PGP: variants seen among roughly 807,000 people sequenced by gnomAD.
PGP encodes the protein phosphoglycolate phosphatase, also known as aspartate-based ubiquitous Mg(2+)-dependent phosphatase.
Under a neutral mutation model 19.3 loss-of-function variants are expected in PGP, and 9 were observed. That is an observed-to-expected ratio of 0.47 (90% CI 0.28 to 0.81). PGP has a LOEUF of 0.81. Ranked by LOEUF, PGP falls within the 40% of genes least tolerant of loss-of-function variation. The probability of loss-of-function intolerance (pLI) is 0.11; values close to 1 mark genes in which losing one functional copy is unlikely to be tolerated. For missense variants in PGP, 403 were observed against 479.9 expected (o/e 0.84, Z 1.50); for synonymous variants, 308 against 226.8 (o/e 1.36, Z -3.22).
chr16:2,214,190 C>T lies in PGP; in HGVS notation c.588G>A (p.Val196=). The T allele has an allele frequency of 1.9e-6, 3 of 1,595,942 alleles. No individual in the cohort carries two copies. The highest frequency in any genetic ancestry group is 1.7e-6 in the Non-Finnish European group (2 of 1,179,064). ...RYLQQPGCLL[V]GTNMDNRLPL... is the part of the protein sequence containing the mutation. ...GAAGCCGGTTGTCCATGTTGGTGCC[C>T]ACGAGCAGGCAGCCGGGCTGCTGCA... The change falls in exon 1 of 2, where the codon GTG becomes GTA. Residue 196 remains valine, a synonymous_variant. Coordinates refer to ENST00000333503, the MANE Select transcript of PGP (RefSeq NM_001042371.3). The surrounding 1 kb of genome is among the most constrained non-coding windows in gnomAD (Gnocchi z 7.1).
At position 2,214,816 on chromosome 16, in the gene PGP, C is replaced by G; in HGVS notation, c.-39G>C. 3 of 740,144 alleles carry G rather than the reference C, an allele frequency of 4.1e-6. No individual in the cohort carries two copies. Among genetic ancestry groups the G allele is most frequent in the Non-Finnish European group, 4.9e-6 (3 of 607,952 alleles). 45.8% of individuals were successfully genotyped at this position (740,144 alleles called of 1,614,324 possible). A position where few individuals can be genotyped will look rare whatever the true frequency, so the allele number is the denominator to read the frequency against. ...CCGCCGCCGCCCGCCGGCCGCTCCT[C>G]GCAGCCGCCCGCCGCGGCGCCCTCC... On this transcript the variant is annotated 5_prime_UTR_variant, in exon 1 of 2. Transcript: ENST00000333503. The surrounding 1 kb of genome is among the most constrained non-coding windows in gnomAD (Gnocchi z 7.1).
In PGP at chr16:2,214,801, C is replaced by CAT. The variant is rs1431839165; in HGVS notation, c.-25_-24insAT. ...ATCGCCGCCCGCCGGCCGCCGCCGC[C>CAT]CGCCGGCCGCTCCTCGCAGCCGCCC... is the stretch of plus-strand genomic sequence containing the variant. On this transcript the variant is annotated 5_prime_UTR_variant, in exon 1 of 2. In the 5' UTR this introduces an upstream ATG that the reference lacks. Transcript: ENST00000333503. This position sits in a 1 kb window ranked among gnomAD's most constrained non-coding sequence, Gnocchi z 7.1. 62 of 864,986 alleles carry CAT rather than the reference C, an allele frequency of 7.2e-5. No homozygotes were observed. Among genetic ancestry groups the CAT allele is most frequent in the Middle Eastern group, 5.8e-4 (1 of 1,734 alleles). 53.6% of individuals were successfully genotyped at this position (864,986 alleles called of 1,614,324 possible).
Position 2,212,651 on chromosome 16 carries a change from G to T in PGP, c.*1077C>A. ...AGGAAGAGACTGGATGCTTTGTAAA[G>T]GACTTCCTGTTCTTGGGGACATAAC... On this transcript the variant is annotated 3_prime_UTR_variant, in exon 2 of 2. Transcript: ENST00000333503. 1.0e-6 allele frequency: 1 copy of T among 985,508 alleles called. No individual in the cohort carries two copies. Among genetic ancestry groups the T allele is most frequent in the Non-Finnish European group, 1.2e-6 (1 of 829,960 alleles). 61.0% of individuals were successfully genotyped at this position (985,508 alleles called of 1,614,324 possible). A position where few individuals can be genotyped will look rare whatever the true frequency, so the allele number is the denominator to read the frequency against.
Position 2,214,427 on chromosome 16 carries a change from G to A in PGP, c.351C>T (p.Pro117=), listed in dbSNP as rs1389492141. The change falls in exon 1 of 2, where the codon CCC becomes CCT. Residue 117 remains proline, a synonymous_variant. Coordinates refer to ENST00000333503, the MANE Select transcript of PGP (RefSeq NM_001042371.3). This position sits in a 1 kb window ranked among gnomAD's most constrained non-coding sequence, Gnocchi z 7.1. ...TGCCCAGCACGTAGGCCTTGGGCGC[G>A]GGGGCGCCGGCCAGGCGCTGGCGCA... ...LYLRQRLAGA[P]APKAYVLGSP... is the part of the protein sequence containing the mutation. 5.3e-6 allele frequency: 7 copies of A among 1,331,706 alleles called. No homozygotes were observed. In the East Asian group the frequency reaches 1.9e-4, roughly 36 times the overall value. The allele number at this position is 1,331,706 out of a possible 1,614,324, so 82.5% of individuals were successfully genotyped here.
rs1445390358 is a variant in PGP at position 2,213,610 on chromosome 16, T to TC, written c.*117dup. ...TTAACAATGAATGCCTTTGCTTAAC[T>TC]CCAATTACACTCTTTGAAGCCACTT... On this transcript the variant is annotated 3_prime_UTR_variant, in exon 2 of 2. Coordinates refer to ENST00000333503, the MANE Select transcript of PGP (RefSeq NM_001042371.3). The TC allele has an allele frequency of 8.9e-6, 9 of 1,006,718 alleles. No homozygotes were observed. Among genetic ancestry groups the TC allele is most frequent in the African/African-American group, 3.4e-5 (2 of 59,446 alleles). The allele number at this position is 1,006,718 out of a possible 1,614,324, so 62.4% of individuals were successfully genotyped here.
At position 2,213,824 on chromosome 16, in the gene PGP, C is replaced by T. The variant is rs200929543; in HGVS notation, c.870G>A (p.Lys290=). 8.1e-6 allele frequency: 13 copies of T among 1,607,956 alleles called. No homozygotes were observed. The East Asian group carries it at 2.0e-4, about 25-fold the overall frequency. ...ACACGCAGTCACTTTCCTGATTATTCTTCACATCCCCTAGAGTGGAGACTC... is the reference window on the plus strand; with the variant it reads ...ACACGCAGTCACTTTCCTGATTATTTTTCACATCCCCTAGAGTGGAGACTC... The part of the protein sequence containing the change: ...LTGVSTLGDV[K]NNQESDCVSK... Residue 290 remains lysine (K), a synonymous_variant, in exon 2 of 2, where the codon AAG becomes AAA. Transcript: ENST00000333503.
Position 2,212,677 on chromosome 16 carries a change from T to C in PGP, c.*1051A>G. The C allele has an allele frequency of 1.0e-6, 1 of 985,472 alleles. No homozygotes were observed. Among genetic ancestry groups the C allele is most frequent in the Non-Finnish European group, 1.2e-6 (1 of 829,942 alleles). 61.0% of individuals were successfully genotyped at this position (985,472 alleles called of 1,614,324 possible). On this transcript the variant is annotated 3_prime_UTR_variant, in exon 2 of 2. Transcript: ENST00000333503. ...GACTTCCTGTTCTTGGGGACATAAC[T>C]CTCGTCCCCTCCCAGAGCCCTGGAT...
Position 2,214,331 on chromosome 16 carries a change from C to T in PGP, c.447G>A (p.Gln149=), listed in dbSNP as rs2093382708. ...ASVGVGPEPL[Q]GEGPGDWLHA... is the part of the protein sequence containing the mutation. Reference sequence around the variant, plus strand: ...GCAGCCAGTCGCCGGGACCCTCGCCCTGCAGTGGCTCGGGCCCCACGCCCA... The same window carrying T: ...GCAGCCAGTCGCCGGGACCCTCGCCTTGCAGTGGCTCGGGCCCCACGCCCA... Residue 149 remains glutamine (Q), a synonymous_variant, in exon 1 of 2, where the codon CAG becomes CAA. Coordinates refer to ENST00000333503, the MANE Select transcript of PGP (RefSeq NM_001042371.3). The surrounding 1 kb of genome is among the most constrained non-coding windows in gnomAD (Gnocchi z 7.1). 2.6e-6 allele frequency: 4 copies of T among 1,533,460 alleles called. No individual in the cohort carries two copies. Among genetic ancestry groups the T allele is most frequent in the Non-Finnish European group, 3.5e-6 (4 of 1,146,212 alleles). 95.0% of individuals were successfully genotyped at this position (1,533,460 alleles called of 1,614,324 possible).
Position 2,211,730 on chromosome 16 carries a change from T to C in PGP, c.*1998A>G. The C allele has an allele frequency of 1.0e-6, 1 of 985,548 alleles. No individual in the cohort carries two copies. Among genetic ancestry groups the C allele is most frequent in the Non-Finnish European group, 1.2e-6 (1 of 829,996 alleles). 61.1% of individuals were successfully genotyped at this position (985,548 alleles called of 1,614,324 possible). ...ACTGCGCCCGGGCCAGCATTACTTCTGAGCTCTGCTCCCTGCCCTGGGCGC... is the reference window on the plus strand; with the variant it reads ...ACTGCGCCCGGGCCAGCATTACTTCCGAGCTCTGCTCCCTGCCCTGGGCGC... On this transcript the variant is annotated 3_prime_UTR_variant, in exon 2 of 2. Transcript: ENST00000333503.
chr16:2,212,582 C>T lies in PGP; in HGVS notation c.*1146G>A. On this transcript the variant is annotated 3_prime_UTR_variant, in exon 2 of 2. Transcript: ENST00000333503. ...AGGGCAAGGCAGGTGACCTCCTGGG[C>T]CACCAGTCTCTAACCCCTACCCCAG... 2 of 985,490 alleles carry T rather than the reference C, an allele frequency of 2.0e-6. No homozygotes were observed. The highest frequency in any genetic ancestry group is 9.4e-5 in the South Asian group (2 of 21,288). 61.0% of individuals were successfully genotyped at this position (985,490 alleles called of 1,614,324 possible).
At position 2,212,496 on chromosome 16, in the gene PGP, C is replaced by G. The variant is rs62038849; in HGVS notation, c.*1232G>C. The stretch of plus-strand genomic sequence containing the variant: ...GCAGGCAGGAGAGGCTGGAGCCCCG[C>G]CCAGAACCTTGGCGAGCTGGTGGCC... On this transcript the variant is annotated 3_prime_UTR_variant, in exon 2 of 2. Coordinates refer to ENST00000333503, the MANE Select transcript of PGP (RefSeq NM_001042371.3). 7 of 985,566 alleles carry G rather than the reference C, an allele frequency of 7.1e-6. No individual in the cohort carries two copies. Among genetic ancestry groups the G allele is most frequent in the Non-Finnish European group, 7.2e-6 (6 of 829,988 alleles). 61.1% of individuals were successfully genotyped at this position (985,566 alleles called of 1,614,324 possible). A position where few individuals can be genotyped will look rare whatever the true frequency, so the allele number is the denominator to read the frequency against.
In PGP at chr16:2,213,000, TC is replaced by T. The variant is rs2093379209; in HGVS notation, c.*727del. The T allele has an allele frequency of 3.0e-6, 3 of 985,530 alleles. No individual in the cohort carries two copies. 61.0% of individuals were successfully genotyped at this position (985,530 alleles called of 1,614,324 possible). Reference sequence around the variant, plus strand: ...AAGGCGTCCACGCCATGGTAGCTGCTCCGTCCAAATCACCTGGGTATAAATG... The same window carrying T: ...AAGGCGTCCACGCCATGGTAGCTGCTCGTCCAAATCACCTGGGTATAAATG... On this transcript the variant is annotated 3_prime_UTR_variant, in exon 2 of 2. Coordinates refer to ENST00000333503, the MANE Select transcript of PGP (RefSeq NM_001042371.3).
chr16:2,212,599 C>T lies in PGP; in HGVS notation c.*1129G>A. ...CTCCTGGGCCACCAGTCTCTAACCC[C>T]TACCCCAGCCTAGGGAAGGGGAGGA... On this transcript the variant is annotated 3_prime_UTR_variant, in exon 2 of 2. Coordinates refer to ENST00000333503, the MANE Select transcript of PGP (RefSeq NM_001042371.3). 1 of 985,502 alleles carries T rather than the reference C, an allele frequency of 1.0e-6. No individual in the cohort carries two copies. 61.0% of individuals were successfully genotyped at this position (985,502 alleles called of 1,614,324 possible). A position where few individuals can be genotyped will look rare whatever the true frequency, so the allele number is the denominator to read the frequency against.
rs2093381680 is a variant in PGP, at chr16:2,213,937, C to G, written c.757G>C (p.Glu253Gln). ...CVSQEYGINP[E>Q]RTVMVGDRLD... is the part of the protein sequence containing the mutation. The stretch of plus-strand genomic sequence containing the variant: ...CGGTCTCCCACCATGACGGTGCGCT[C>G]GGGGTTGATGCCGTATTCCTGGGAC... Residue 253 changes from glutamate to glutamine, a missense_variant, in exon 2 of 2, where the codon GAG (glutamate) becomes CAG (glutamine). Glu to Gln is a conservative substitution (Grantham distance 29, BLOSUM62 2). Transcript: ENST00000333503. 2 of 1,612,774 alleles carry G rather than the reference C, an allele frequency of 1.2e-6. No individual in the cohort carries two copies. The highest frequency in any genetic ancestry group is 8.5e-7 in the Non-Finnish European group (1 of 1,179,442).
In PGP at chr16:2,214,160, A is replaced by C; in HGVS notation, c.618T>G (p.Leu206=). The change falls in exon 1 of 2, where the codon CTT becomes CTG. Residue 206 remains leucine, a synonymous_variant. Transcript: ENST00000333503. This position sits in a 1 kb window ranked among gnomAD's most constrained non-coding sequence, Gnocchi z 7.1. ...VGTNMDNRLP[L]ENGRFIAGTG... The stretch of plus-strand genomic sequence containing the variant: ...GACCCGCGATGAAGCGGCCGTTCTC[A>C]AGCGGAAGCCGGTTGTCCATGTTGG... The C allele has an allele frequency of 1.3e-6, 2 of 1,575,966 alleles. No homozygotes were observed. The highest frequency in any genetic ancestry group is 1.7e-6 in the Non-Finnish European group (2 of 1,173,524).
chr16:2,214,053 C>T lies in PGP; in HGVS notation c.641G>A (p.Gly214Asp). The change falls in exon 2 of 2, where the codon GGT (glycine) becomes GAT (aspartate). Residue 214 changes from glycine to aspartate, a missense_variant and splice_region_variant. Gly to Asp is a moderately conservative substitution (Grantham distance 94). Transcript: ENST00000333503. The surrounding 1 kb of genome is among the most constrained non-coding windows in gnomAD (Gnocchi z 7.1). ...LPLENGRFIA[G>D]TGCLVRAVEM... ...CACGGCTCGGACCAGACACCCGGTA[C>T]CTGCGGGGCACAGGGGACCGGGTCA... 6.3e-7 allele frequency: 1 copy of T among 1,598,288 alleles called. No individual in the cohort carries two copies. Among genetic ancestry groups the T allele is most frequent in the Non-Finnish European group, 8.5e-7 (1 of 1,173,102 alleles).
chr16:2,214,600 CG>C lies in PGP; in HGVS notation c.177del (p.Gly60AlafsTer120). On this transcript the variant is annotated frameshift_variant, in exon 1 of 2. Transcript: ENST00000333503. LOFTEE classifies it high-confidence loss of function. The surrounding 1 kb of genome is among the most constrained non-coding windows in gnomAD (Gnocchi z 7.1). ...APEALRALRA[R>X]GKRLGFITNN... is the part of the protein sequence containing the mutation. ...TTGGTGATGAAGCCCAGGCGCTTGC[CG>C]CGGGCTCGCAGCGCCCGCAGGGCCT... is the stretch of plus-strand genomic sequence containing the variant. 6.8e-7 allele frequency: 1 copy of C among 1,466,304 alleles called. No individual in the cohort carries two copies. The highest frequency in any genetic ancestry group is 9.0e-7 in the Non-Finnish European group (1 of 1,113,188). 90.8% of individuals were successfully genotyped at this position (1,466,304 alleles called of 1,614,324 possible).
chr16:2,214,786 G>T lies in PGP; in HGVS notation c.-9C>A. ...GCCTCCGCCGCCGCCATCGCCGCCC[G>T]CCGGCCGCCGCCGCCCGCCGGCCGC... is the stretch of plus-strand genomic sequence containing the variant. On this transcript the variant is annotated 5_prime_UTR_variant, in exon 1 of 2. Coordinates refer to ENST00000333503, the MANE Select transcript of PGP (RefSeq NM_001042371.3). The surrounding 1 kb of genome is among the most constrained non-coding windows in gnomAD (Gnocchi z 7.1). 4 of 923,508 alleles carry T rather than the reference G, an allele frequency of 4.3e-6. No homozygotes were observed. The highest frequency in any genetic ancestry group is 5.2e-6 in the Non-Finnish European group (4 of 773,424). 57.2% of individuals were successfully genotyped at this position (923,508 alleles called of 1,614,324 possible).
At position 2,214,094 on chromosome 16, in the gene PGP, G is replaced by GGGCCCCCCCCCCCC; in HGVS notation, c.641-42_641-41insGGGGGGGGGGGGCC. ...GACCGGGTCAAAGGGCAGGGAGGGG[G>GGGCCCCCCCCCCCC]CCCGCCGCCCGCCCCCCAGCCTCCC... On this transcript the variant is annotated intron_variant, in intron 1 of 1. Transcript: ENST00000333503. The surrounding 1 kb of genome is among the most constrained non-coding windows in gnomAD (Gnocchi z 7.1). 6.5e-7 allele frequency: 1 copy of GGGCCCCCCCCCCCC among 1,544,862 alleles called. No individual in the cohort carries two copies. The highest frequency in any genetic ancestry group is 8.7e-7 in the Non-Finnish European group (1 of 1,152,948).
Sources: gnomAD v4.1 joint callset for allele counts on GRCh38, gnomAD v4.1.1 for gene constraint, Gnocchi (gnomAD v3.1) non-coding constraint, MANE v1.5 for transcripts, NCBI Gene and HGNC (gene_info 2026-07-23, HGNC 2026-07-21) for gene names.